Variants in RANBP2 observed in about 807,000 individuals in gnomAD.
RANBP2 encodes E3 SUMO-protein ligase RanBP2.
RANBP2 carries 57 observed loss-of-function variants against 303.6 expected under a neutral mutation model. That is an observed-to-expected ratio of 0.19 (90% CI 0.15 to 0.23). The LOEUF is 0.23. Ranked by LOEUF, RANBP2 falls within the 10% of genes least tolerant of loss-of-function variation. The pLI is 1.00. For synonymous variants in RANBP2, 1,167 were observed against 1,301.5 expected (o/e 0.90, Z 2.23); for missense variants, 3,138 against 3,780.8 (o/e 0.83, Z 4.46).
At chr2:109,177,569 A>G in the RANBP2 span, among the ~76,000 whole-genome samples, 1 of 151,928 alleles carries the variant, frequency 6.6e-6, no homozygotes, top group Non-Finnish European at 1.5e-5. Context: ...CACCATTCCT[A>G]CAAAGTTAGT....
At chr2:108,956,946 G>A in the RANBP2 span, among the ~76,000 whole-genome samples, 2 of 152,002 alleles carry the variant, frequency 1.3e-5, no homozygotes, top group African/African-American at 2.4e-5. Flanking sequence ...CTACCACCAC[G>A]CCCCGCTAAT....
At chr2:109,078,195 AGCG>A in the RANBP2 span, among the ~76,000 whole-genome samples, 13 of 57,938 alleles carry the variant, frequency 2.2e-4, 1 homozygote, top group African/African-American at 8.3e-4. Context: ...ATATATATAT[AGCG>A]TATATATATA....
At chr2:109,285,291 C>T in the RANBP2 span, among the ~76,000 whole-genome samples, 52,130 of 152,144 alleles carry the variant, frequency 0.34, 9,097 homozygotes, top group South Asian at 0.41. Context: ...CACACCTCCT[C>T]ATAACCTCCT....
chr2:109,190,801 C>T, the RANBP2 span, among the ~76,000 whole-genome samples: 1 of 151,986 alleles, frequency 6.6e-6, no homozygotes, highest in Non-Finnish European at 1.5e-5. Context: ...TAGACCCAGG[C>T]TCAAATTAAT....
At chr2:108,792,908 C>G in the RANBP2 span, among the ~76,000 whole-genome samples, 3 of 137,408 alleles carry the variant, frequency 2.2e-5, no homozygotes, top group African/African-American at 8.2e-5. Flanking sequence ...ACTAAAAATA[C>G]AAAAAATTAG....
chr2:109,588,116 A>G, the RANBP2 span, among the ~76,000 whole-genome samples: 2 of 152,226 alleles, frequency 1.3e-5, no homozygotes, highest in East Asian at 3.9e-4. Context: ...CGCCAAAAAA[A>G]AAAGACATCG....
chr2:109,180,286 C>T, the RANBP2 span, among the ~76,000 whole-genome samples: 17 of 152,246 alleles, frequency 1.1e-4, no homozygotes, highest in African/African-American at 3.9e-4. Flanking sequence ...TCTCTGAGTC[C>T]GCTGCCTTTC....
the RANBP2 span, among the ~76,000 whole-genome samples, chr2:109,412,144 C>A: frequency 6.6e-6 from 1 of 152,256 alleles, no homozygotes; most frequent in Non-Finnish European, 1.5e-5. Context: ...GGATGGTGAG[C>A]CTTCGGCCGC....
chr2:109,601,697 A>G, the RANBP2 span, among the ~76,000 whole-genome samples: 1 of 152,152 alleles, frequency 6.6e-6, no homozygotes, highest in African/African-American at 2.4e-5. Context: ...AGACTAAACT[A>G]TAAATCTTTT....
chr2:109,675,912 C>T, the RANBP2 span, among the ~76,000 whole-genome samples: 1 of 152,192 alleles, frequency 6.6e-6, no homozygotes, highest in Non-Finnish European at 1.5e-5. Flanking sequence ...TTGTGAGGTT[C>T]CACCTCGAAA....
the RANBP2 span, chr2:109,616,480 C>A: frequency 5.9e-6 from 1 of 168,264 alleles, no homozygotes; most frequent in Non-Finnish European, 1.4e-5. Flanking sequence ...CAAAAAAATG[C>A]AAACTGTAAT....
At chr2:109,452,175 A>G in the RANBP2 span, among the ~76,000 whole-genome samples, 12,859 of 152,234 alleles carry the variant, frequency 0.084, 730 homozygotes, top group African/African-American at 0.16. Flanking sequence ...AATGATGGTC[A>G]TTTTAGTCCA....
chr2:109,078,095 T>TATATATATATATATATATATATGGC, the RANBP2 span, among the ~76,000 whole-genome samples: 1 of 53,550 alleles, frequency 1.9e-5, no homozygotes, highest in African/African-American at 1.1e-4. Flanking sequence ...TATATATATA[T>TATATATATATATATATATATATGGC]ATATATATAT....
chr2:109,182,897 T>G, the RANBP2 span, among the ~76,000 whole-genome samples: 2 of 152,200 alleles, frequency 1.3e-5, no homozygotes, highest in Non-Finnish European at 2.9e-5. Flanking sequence ...TGTTTTTCAC[T>G]CTCATATTTC....
At chr2:109,208,601 C>T in the RANBP2 span, among the ~76,000 whole-genome samples, 11 of 152,210 alleles carry the variant, frequency 7.2e-5, no homozygotes, top group African/African-American at 2.7e-4. Context: ...GTTCAAGTTG[C>T]ATATTTGTAA....
chr2:109,108,549 G>A, the RANBP2 span, among the ~76,000 whole-genome samples: 1 of 152,182 alleles, frequency 6.6e-6, no homozygotes, highest in Non-Finnish European at 1.5e-5. Flanking sequence ...GTCCTCACAA[G>A]GCTGTTACAC....
chr2:109,093,435 A>G, the RANBP2 span, among the ~76,000 whole-genome samples: 9 of 151,580 alleles, frequency 5.9e-5, no homozygotes, highest in African/African-American at 1.9e-4. Context: ...AGAAAGAAAA[A>G]AAAAGAAAAA....
the RANBP2 span, chr2:109,605,032 C>T: frequency 6.6e-6 from 1 of 152,136 alleles, no homozygotes; most frequent in African/African-American, 2.4e-5. Flanking sequence ...TTGGATCCCT[C>T]AAAGAACTTT....
chr2:108,734,798 T>C lies in RANBP2; in HGVS notation c.406-734T>C, dbSNP rs1267557900. 3.3e-5 allele frequency among the ~76,000 whole-genome samples: 5 copies of C among 151,954 alleles called. 1 individual carries two copies. The highest frequency in any genetic ancestry group is 3.3e-4 in the Admixed American group (5 of 15,246). ...ACCTGTGTCAGTGGCAAGTGGATGG[T>C]TGAGGTTCGAGTGGAGGATAACATC... On this transcript the variant is annotated intron_variant, in intron 4 of 28. Transcript: ENST00000283195.
Sources: gnomAD v4.1 joint callset for allele counts (sites outside exome capture counted in the v4.1 genomes callset) on GRCh38, gnomAD v4.1.1 for gene constraint, MANE v1.5 for transcripts, NCBI Gene and HGNC (gene_info 2026-07-23, HGNC 2026-07-21) for gene names.